The following VPS50 variants were observed in gnomAD, a reference collection of about 807,000 sequenced individuals.
VPS50 encodes the protein VPS50 subunit of EARP/GARPII complex.
In VPS50, 70 loss-of-function variants were observed where a neutral mutation model predicts 139.7. The observed-to-expected ratio is 0.50, with a 90% confidence interval of 0.41 to 0.61. The LOEUF is 0.61. Ranked by LOEUF, VPS50 falls within the 20% of genes least tolerant of loss-of-function variation. The pLI is 0.00. For synonymous variants in VPS50, 365 were observed against 376.7 expected (o/e 0.97, Z 0.36); for missense variants, 921 against 1,133.7 (o/e 0.81, Z 2.69).
At position 93,305,907 on chromosome 7, in the gene VPS50, T is replaced by A; in HGVS notation, c.1532T>A (p.Val511Glu). 6.2e-7 allele frequency: 1 copy of A among 1,611,428 alleles called. No individual in the cohort carries two copies. Among genetic ancestry groups the A allele is most frequent in the Non-Finnish European group, 8.5e-7 (1 of 1,177,740 alleles). ...CCAGTCTCAACTTCTTCAAAAACAG[T>A]GACCTTGTTTGAGCAGTACTGTAGT... ...KQPVSTSSKT[V>E]TLFEQYCSGG... Residue 511 changes from valine to glutamate, a missense_variant, in exon 18 of 28, where the codon GTG becomes GAG. Coordinates refer to ENST00000305866, the MANE Select transcript of VPS50 (RefSeq NM_017667.4).
At chr7:93,246,366 A>G (rs1471095162) in intron 2 of VPS50, among the ~76,000 whole-genome samples, 1 of 151,874 alleles carries the variant, frequency 6.6e-6, no homozygotes, top group East Asian at 1.9e-4. Context: ...TGAGTTATAT[A>G]ATCAGGTGTA....
chr7:93,344,449 A>G (rs1798325670), intron 23 of VPS50, among the ~76,000 whole-genome samples: 1 of 152,212 alleles, frequency 6.6e-6, no homozygotes, highest in African/African-American at 2.4e-5. Flanking sequence ...AAGGATACCC[A>G]GGAATTGAAC....
intron 9 of VPS50, among the ~76,000 whole-genome samples, chr7:93,263,658 T>A (rs1795753995): frequency 6.6e-6 from 1 of 152,214 alleles, no homozygotes; most frequent in African/African-American, 2.4e-5. Flanking sequence ...CTCTTATGAT[T>A]CTGAAAATAG....
rs528197414 is a variant in VPS50, at chr7:93,360,741, T to A, written c.*2305T>A. 1 of 152,198 alleles carries A rather than the reference T, an allele frequency of 6.6e-6. No individual in the cohort carries two copies. Among genetic ancestry groups the A allele is most frequent in the South Asian group, 2.1e-4 (1 of 4,828 alleles). 9.4% of individuals were successfully genotyped at this position (152,198 alleles called of 1,614,324 possible). A position where few individuals can be genotyped will look rare whatever the true frequency, so the allele number is the denominator to read the frequency against. On this transcript the variant is annotated 3_prime_UTR_variant, in exon 28 of 28. Transcript: ENST00000305866. ...TCCTGTAGAATTTACCATGGGAGCA[T>A]GGTAAATTAGCATTCCCTGAGAAAG...
At chr7:93,256,820 G>T (rs1485295072) in intron 5 of VPS50, among the ~76,000 whole-genome samples, 1 of 152,106 alleles carries the variant, frequency 6.6e-6, no homozygotes, top group African/African-American at 2.4e-5. Context: ...AGAAGAGCCA[G>T]TGAAAATTGC....
At chr7:93,246,448 A>T (rs1400764646) in intron 2 of VPS50, among the ~76,000 whole-genome samples, 1 of 151,602 alleles carries the variant, frequency 6.6e-6, no homozygotes, top group Non-Finnish European at 1.5e-5. Context: ...TATTCTATAT[A>T]TTTTTTTCAG....
intron 9 of VPS50, among the ~76,000 whole-genome samples, chr7:93,261,977 T>C (rs1378788645): frequency 6.6e-6 from 1 of 151,912 alleles, no homozygotes; most frequent in African/African-American, 2.4e-5. Context: ...TTGGTGGGAG[T>C]TGGTTGAACT....
chr7:93,236,849 T>C (rs1448000251), intron 1 of VPS50, among the ~76,000 whole-genome samples: 3 of 148,518 alleles, frequency 2.0e-5, no homozygotes, highest in African/African-American at 7.4e-5. Flanking sequence ...ATAATAAAAA[T>C]ATTAAGAATT....
At chr7:93,237,634 C>G (rs1410886743) in intron 1 of VPS50, among the ~76,000 whole-genome samples, 1 of 152,122 alleles carries the variant, frequency 6.6e-6, no homozygotes, top group Non-Finnish European at 1.5e-5. Context: ...ATTAGTTAAG[C>G]AAATCTATAC....
At chr7:93,287,990 A>C (rs545345333) in intron 12 of VPS50, among the ~76,000 whole-genome samples, 1 of 152,166 alleles carries the variant, frequency 6.6e-6, no homozygotes, top group East Asian at 1.9e-4. Context: ...GGTTTAATTG[A>C]CTCACAGTTC....
rs1336408913 is a variant in VPS50 at position 93,359,934 on chromosome 7, T to G, written c.*1498T>G. 6.6e-6 allele frequency: 1 copy of G among 152,196 alleles called. No homozygotes were observed. Among genetic ancestry groups the G allele is most frequent in the Non-Finnish European group, 1.5e-5 (1 of 68,034 alleles). The allele number at this position is 152,196 out of a possible 1,614,324, so 9.4% of individuals were successfully genotyped here. On this transcript the variant is annotated 3_prime_UTR_variant, in exon 28 of 28. Transcript: ENST00000305866. Reference sequence around the variant, plus strand: ...ATTTACTGTCAATTTAAAACTTTCCTCTTGTAAAAAGGTATGAGTTTGGTG... The same window carrying G: ...ATTTACTGTCAATTTAAAACTTTCCGCTTGTAAAAAGGTATGAGTTTGGTG...
chr7:93,317,634 C>A (rs2117006339), intron 20 of VPS50, among the ~76,000 whole-genome samples: 1 of 152,302 alleles, frequency 6.6e-6, no homozygotes, highest in African/African-American at 2.4e-5. Context: ...AGGGTATAAC[C>A]TGAAAACGGG....
chr7:93,309,832 A>G (rs1456829085), intron 19 of VPS50, among the ~76,000 whole-genome samples: 3 of 151,970 alleles, frequency 2.0e-5, no homozygotes, highest in African/African-American at 7.2e-5. Flanking sequence ...CTATAGATAT[A>G]CTTTTTGCTT....
At chr7:93,310,500 T>G (rs541248763) in intron 19 of VPS50, among the ~76,000 whole-genome samples, 43 of 152,138 alleles carry the variant, frequency 2.8e-4, no homozygotes, top group Admixed American at 9.8e-4. Context: ...TTAATCATGC[T>G]GTTTTTCTGC....
intron 20 of VPS50, among the ~76,000 whole-genome samples, chr7:93,314,843 TG>T (rs1283109153): frequency 1.3e-5 from 2 of 152,132 alleles, no homozygotes; most frequent in Admixed American, 1.3e-4. Context: ...TTCTTTTCAT[TG>T]GGGGAAGGTC....
chr7:93,294,748 A>T, intron 14 of VPS50, 112 bp downstream of exon 14: 2 of 786,226 alleles, frequency 2.5e-6, no homozygotes, highest in Non-Finnish European at 3.9e-6. Context: ...AGATTTAATC[A>T]TATGTTTCTG....
intron 2 of VPS50, among the ~76,000 whole-genome samples, chr7:93,240,795 A>C (rs1294531873): frequency 1.3e-5 from 2 of 152,142 alleles, no homozygotes; most frequent in African/African-American, 4.8e-5. Context: ...GCTCCTTAGG[A>C]GGATGATTTC....
At chr7:93,355,387 A>AAT (rs1798677915) in intron 26 of VPS50, among the ~76,000 whole-genome samples, 1 of 152,092 alleles carries the variant, frequency 6.6e-6, no homozygotes, top group South Asian at 2.1e-4. Context: ...TATCATGAAA[A>AAT]ATATATATAT....
At chr7:93,266,718 T>G (rs1795853635) in intron 9 of VPS50, among the ~76,000 whole-genome samples, 1 of 152,236 alleles carries the variant, frequency 6.6e-6, no homozygotes, top group Non-Finnish European at 1.5e-5. Flanking sequence ...TCAAAGTGTT[T>G]ATGAATAGAT....
Sources: gnomAD v4.1 joint callset for allele counts (sites outside exome capture counted in the v4.1 genomes callset) on GRCh38, gnomAD v4.1.1 for gene constraint, MANE v1.5 for transcripts, NCBI Gene and HGNC (gene_info 2026-07-23, HGNC 2026-07-21) for gene names.